TAOK1: variants seen among roughly 807,000 people sequenced by gnomAD.
TAOK1 encodes TAO kinase 1, also known as serine/threonine-protein kinase TAO1.
In TAOK1, 21 loss-of-function variants were observed where a neutral mutation model predicts 138.3. The observed-to-expected ratio is 0.15, with a 90% confidence interval of 0.11 to 0.22. TAOK1 has a LOEUF of 0.22. TAOK1 is among the 10% of genes least tolerant of loss of function. The pLI is 1.00. For synonymous variants in TAOK1, 361 were observed against 398.4 expected, an observed-to-expected ratio of 0.91 and a Z score of 1.12; for missense variants, 651 against 1,227.7, an observed-to-expected ratio of 0.53 and a Z score of 7.02.
At chr17:29,526,944 G>C (rs1370666903) in intron 17 of TAOK1, among the ~76,000 whole-genome samples, 1 of 151,608 alleles carries the variant, frequency 6.6e-6, no homozygotes, top group Non-Finnish European at 1.5e-5. Flanking sequence ...TGGCTAACAG[G>C]GTGAAACCCC....
intron 17 of TAOK1, among the ~76,000 whole-genome samples, chr17:29,525,785 A>G (rs2031999577): frequency 1.3e-5 from 2 of 152,006 alleles, no homozygotes; most frequent in East Asian, 1.9e-4. Flanking sequence ...GCAGGGGATC[A>G]TGAGGTCAAG....
At chr17:29,411,881 C>T (rs1163486825) in intron 1 of TAOK1, among the ~76,000 whole-genome samples, 1 of 152,086 alleles carries the variant, frequency 6.6e-6, no homozygotes, top group East Asian at 1.9e-4. Context: ...ATAACCAATC[C>T]TCCATATCTG....
At chr17:29,532,741 ACTT>A (rs1408516530) in intron 18 of TAOK1, among the ~76,000 whole-genome samples, 1 of 151,992 alleles carries the variant, frequency 6.6e-6, no homozygotes, top group African/African-American at 2.4e-5. Context: ...TCCCATGTCT[ACTT>A]CTTTCTACAC....
chr17:29,467,219 A>G lies in TAOK1; in HGVS notation c.204+3A>G. The G allele has an allele frequency of 6.3e-7, 1 of 1,578,226 alleles. No homozygotes were observed. The highest frequency in any genetic ancestry group is 8.7e-7 in the Non-Finnish European group (1 of 1,154,926). Reference sequence around the variant, plus strand: ...ATAGTGGAAAGCAGTCTACTGAGGTAGGTTAAATATGTACATTCTTGTTTT... The same window carrying G: ...ATAGTGGAAAGCAGTCTACTGAGGTGGGTTAAATATGTACATTCTTGTTTT... On this transcript the variant is annotated splice_donor_region_variant and intron_variant, in intron 3 of 19. Coordinates refer to ENST00000261716, the MANE Select transcript of TAOK1 (RefSeq NM_020791.4).
At chr17:29,535,520 ATAGTTCCTG>A (rs1218788571) in intron 19 of TAOK1, among the ~76,000 whole-genome samples, 1 of 152,048 alleles carries the variant, frequency 6.6e-6, no homozygotes, top group Non-Finnish European at 1.5e-5. Context: ...TCTATTTCCT[ATAGTTCCTG>A]TGATAAAAAT....
intron 1 of TAOK1, among the ~76,000 whole-genome samples, chr17:29,448,151 G>C (rs1357567798): frequency 2.0e-5 from 3 of 151,260 alleles, no homozygotes; most frequent in African/African-American, 7.3e-5. Context: ...TGGTTACAAA[G>C]AAATTTACTC....
In TAOK1 at chr17:29,475,778, A is replaced by G. The variant is rs758017007; in HGVS notation, c.306+7A>G. On this transcript the variant is annotated splice_region_variant and intron_variant, in intron 4 of 19. Transcript: ENST00000261716. ...ACGTGAACACACAGCATGGGTTGGT[A>G]TTTGTTCTCCCCTTGTTGCAGTTTT... The G allele has an allele frequency of 3.1e-6, 5 of 1,600,652 alleles. No homozygotes were observed. In the East Asian group the frequency reaches 8.9e-5, roughly 29 times the overall value.
rs572881308 is a variant in TAOK1, at chr17:29,420,096, G to T, written c.-95+29072G>T. On this transcript the variant is annotated intron_variant, in intron 1 of 19. Coordinates refer to ENST00000261716, the MANE Select transcript of TAOK1 (RefSeq NM_020791.4). Reference sequence around the variant, plus strand: ...GTCTCACTTTGTCACCCAGGCTGGGGTACAGTGGTGTGACCTCAGCTTACT... The same window carrying T: ...GTCTCACTTTGTCACCCAGGCTGGGTTACAGTGGTGTGACCTCAGCTTACT... Among the ~76,000 whole-genome samples the T allele has an allele frequency of 2.3e-4, 35 of 151,712 alleles. 2 individuals are homozygous for T. The South Asian group carries it at 7.1e-3, about 31-fold the overall frequency.
At chr17:29,495,476 A>G (rs1180534346) in intron 10 of TAOK1, 84 bp from the exon 11 acceptor site, 10 of 1,162,210 alleles carry the variant, frequency 8.6e-6, no homozygotes, top group Non-Finnish European at 1.2e-5. Flanking sequence ...TATCTATCAT[A>G]GGATATTATC....
chr17:29,489,051 G>A (rs1302766673), intron 8 of TAOK1, among the ~76,000 whole-genome samples: 2 of 152,178 alleles, frequency 1.3e-5, no homozygotes, highest in African/African-American at 4.8e-5. Context: ...TGAATGTAGT[G>A]TAGTCTTATA....
intron 1 of TAOK1, among the ~76,000 whole-genome samples, chr17:29,434,847 T>G (rs948190598): frequency 6.6e-6 from 1 of 152,042 alleles, no homozygotes; most frequent in African/African-American, 2.4e-5. Context: ...TGACCTGAAA[T>G]TTGGAATTGA....
At chr17:29,478,179 C>A in intron 5 of TAOK1, 72 bp from the exon 6 acceptor site, 1 of 1,040,972 alleles carries the variant, frequency 9.6e-7, no homozygotes, top group Non-Finnish European at 1.4e-6. Flanking sequence ...TTAAAAATTG[C>A]CCCATGTATT....
chr17:29,495,449 C>A, intron 10 of TAOK1, 111 bp from the exon 11 acceptor site: 2 of 800,708 alleles, frequency 2.5e-6, no homozygotes, highest in Non-Finnish European at 3.7e-6. Context: ...AATTATATAG[C>A]TATAGATTAC....
intron 1 of TAOK1, among the ~76,000 whole-genome samples, chr17:29,435,726 C>A (rs1283369086): frequency 6.6e-6 from 1 of 152,324 alleles, no homozygotes; most frequent in African/African-American, 2.4e-5. Flanking sequence ...GGGGAGCATA[C>A]CCTTCCAGTA....
chr17:29,407,760 CT>C (rs1447435592), intron 1 of TAOK1, among the ~76,000 whole-genome samples: 11 of 152,208 alleles, frequency 7.2e-5, no homozygotes, highest in African/African-American at 2.6e-4. Flanking sequence ...GTATCTTACT[CT>C]TTTTGAAGAC....
At chr17:29,417,172 G>T (rs908350367) in intron 1 of TAOK1, among the ~76,000 whole-genome samples, 1 of 152,034 alleles carries the variant, frequency 6.6e-6, no homozygotes, top group Non-Finnish European at 1.5e-5. Context: ...CTGCTACCAT[G>T]CCTGGCTAAT....
At chr17:29,409,568 T>C (rs746682077) in intron 1 of TAOK1, among the ~76,000 whole-genome samples, 8 of 151,286 alleles carry the variant, frequency 5.3e-5, no homozygotes, top group Non-Finnish European at 8.9e-5. Context: ...TTCCTGACCT[T>C]GTGATCCCCC....
At chr17:29,445,604 G>A (rs2030058302) in intron 1 of TAOK1, among the ~76,000 whole-genome samples, 1 of 152,138 alleles carries the variant, frequency 6.6e-6, no homozygotes, top group African/African-American at 2.4e-5. Flanking sequence ...TGTCTAGAAT[G>A]GAGTATGACA....
At chr17:29,463,884 T>G (rs945603365) in intron 2 of TAOK1, among the ~76,000 whole-genome samples, 1 of 152,144 alleles carries the variant, frequency 6.6e-6, no homozygotes, top group African/African-American at 2.4e-5. Context: ...AGACACTCAA[T>G]TTTAAAAATA....
Sources: gnomAD v4.1 joint callset for allele counts (sites outside exome capture counted in the v4.1 genomes callset) on GRCh38, gnomAD v4.1.1 for gene constraint, MANE v1.5 for transcripts, NCBI Gene and HGNC (gene_info 2026-07-23, HGNC 2026-07-21) for gene names.